Variants in PPP1R9A observed in about 807,000 individuals in gnomAD.
The protein encoded by PPP1R9A is neurabin-1.
Under a neutral mutation model 141.9 loss-of-function variants are expected in PPP1R9A, and 59 were observed. That is an observed-to-expected ratio of 0.42 (90% CI 0.34 to 0.52). PPP1R9A has a LOEUF of 0.52. Ranked by LOEUF, PPP1R9A falls within the 20% of genes least tolerant of loss-of-function variation. The probability of loss-of-function intolerance (pLI) is 0.10; values close to 1 mark genes in which losing one functional copy is unlikely to be tolerated. For missense variants in PPP1R9A, 1,444 were observed against 1,611.9 expected (o/e 0.90, Z 1.78); for synonymous variants, 500 against 569.7 (o/e 0.88, Z 1.74).
chr7:95,004,141 G>A (rs1249790078), intron 2 of PPP1R9A, among the ~76,000 whole-genome samples: 1 of 151,730 alleles, frequency 6.6e-6, no homozygotes, highest in Non-Finnish European at 1.5e-5. Context: ...TGCTTTTTTA[G>A]CATTTTAGGA....
chr7:95,115,465 G>A (rs1446257904), intron 3 of PPP1R9A, among the ~76,000 whole-genome samples: 1 of 152,040 alleles, frequency 6.6e-6, no homozygotes, highest in Non-Finnish European at 1.5e-5. Flanking sequence ...AACTATTTTA[G>A]ATCATAGATA....
chr7:95,125,347 C>A (rs1428389150), intron 4 of PPP1R9A, among the ~76,000 whole-genome samples: 3 of 152,028 alleles, frequency 2.0e-5, no homozygotes, highest in African/African-American at 4.8e-5. Context: ...GTGCTACCTT[C>A]CTTTTACAGA....
In PPP1R9A at chr7:95,295,377, A is replaced by T. The variant is rs984391051; in HGVS notation, c.*5074A>T. On this transcript the variant is annotated 3_prime_UTR_variant, in exon 20 of 20. Transcript: ENST00000433360. ...GTATTTTAGTAAGAAAATTTCCTCA[A>T]ATATTTGGCTAATGCTTTGATGTCA... is the stretch of plus-strand genomic sequence containing the variant. 1 of 152,620 alleles carries T rather than the reference A, an allele frequency of 6.6e-6. No individual in the cohort carries two copies. The highest frequency in any genetic ancestry group is 1.5e-5 in the Non-Finnish European group (1 of 68,038). The allele number at this position is 152,620 out of a possible 1,614,324, so 9.5% of individuals were successfully genotyped here.
intron 8 of PPP1R9A, among the ~76,000 whole-genome samples, chr7:95,236,825 A>G (rs1373801265): frequency 6.6e-6 from 1 of 151,654 alleles, no homozygotes; most frequent in Non-Finnish European, 1.5e-5. Flanking sequence ...TTTTTTCTGA[A>G]TATTGCTTTA....
intron 4 of PPP1R9A, among the ~76,000 whole-genome samples, chr7:95,125,077 T>A (rs1057469220): frequency 2.0e-5 from 3 of 152,236 alleles, no homozygotes; most frequent in African/African-American, 7.2e-5. Context: ...CTTTATCCTA[T>A]GATGCCTTAA....
chr7:95,166,965 C>T (rs755196170), intron 5 of PPP1R9A, among the ~76,000 whole-genome samples: 1 of 152,076 alleles, frequency 6.6e-6, no homozygotes, highest in African/African-American at 2.4e-5. Context: ...ATTCAGTATC[C>T]CTTCATGATG....
rs1003595720 is a variant in PPP1R9A, at chr7:95,061,820, A to C, written c.1396-49439A>C. Among the ~76,000 whole-genome samples, 5 of 152,246 alleles carry C rather than the reference A, an allele frequency of 3.3e-5. 1 individual carries two copies. The highest frequency in any genetic ancestry group is 3.3e-4 in the Admixed American group (5 of 15,286). On this transcript the variant is annotated intron_variant, in intron 2 of 19. Transcript: ENST00000433360. The stretch of plus-strand genomic sequence containing the variant: ...TAATGTTAGTCTTACCCAAGATACA[A>C]TAAAACTTTATTAACACACAGCAAT...
chr7:95,206,428 A>T (rs1052354008), intron 7 of PPP1R9A, among the ~76,000 whole-genome samples: 1 of 152,190 alleles, frequency 6.6e-6, no homozygotes, highest in Non-Finnish European at 1.5e-5. Context: ...ATATATTATC[A>T]TTACATAGCT....
chr7:94,966,711 G>A (rs184253476), intron 2 of PPP1R9A, among the ~76,000 whole-genome samples: 3 of 152,162 alleles, frequency 2.0e-5, no homozygotes, highest in African/African-American at 7.2e-5. Flanking sequence ...GCTGGATTTG[G>A]TTTGCCAGTG....
At chr7:95,065,749 A>G (rs1307763418) in intron 2 of PPP1R9A, among the ~76,000 whole-genome samples, 1 of 152,234 alleles carries the variant, frequency 6.6e-6, no homozygotes, top group Non-Finnish European at 1.5e-5. Context: ...TGTCACTCCC[A>G]TAGTGATATC....
chr7:94,925,345 A>T (rs1337162688), intron 2 of PPP1R9A, among the ~76,000 whole-genome samples: 2 of 152,188 alleles, frequency 1.3e-5, no homozygotes, highest in Non-Finnish European at 2.9e-5. Context: ...CATCTAGAAT[A>T]ATGTTTGATT....
At chr7:94,945,853 GA>G (rs898257940) in intron 2 of PPP1R9A, among the ~76,000 whole-genome samples, 5 of 152,014 alleles carry the variant, frequency 3.3e-5, no homozygotes, top group African/African-American at 1.2e-4. Flanking sequence ...TTTATTTTAT[GA>G]GTTTGAATAT....
At chr7:95,172,926 T>A (rs1832344961) in intron 5 of PPP1R9A, among the ~76,000 whole-genome samples, 1 of 151,842 alleles carries the variant, frequency 6.6e-6, no homozygotes, top group South Asian at 2.1e-4. Flanking sequence ...TGATTTTTTT[T>A]TATAAAGGTA....
chr7:95,216,655 G>C lies in PPP1R9A; in HGVS notation c.1957-9306G>C, dbSNP rs181690308. On this transcript the variant is annotated intron_variant, in intron 7 of 19. Transcript: ENST00000433360. ...CTTTTATTTCGTTGAGCAGTGGTTT[G>C]TAGTTCTCCTTGGGGAGGTCCTTCA... Among the ~76,000 whole-genome samples, 963 of 152,276 alleles carry C rather than the reference G, an allele frequency of 6.3e-3. 5 individuals are homozygous for C. Among genetic ancestry groups the C allele is most frequent in the Non-Finnish European group, 9.5e-3 (648 of 68,026 alleles).
chr7:95,215,487 A>G (rs1793158416), intron 7 of PPP1R9A, among the ~76,000 whole-genome samples: 1 of 152,176 alleles, frequency 6.6e-6, no homozygotes, highest in African/African-American at 2.4e-5. Context: ...GTATATACCC[A>G]GTAATGGGAT....
At chr7:95,235,434 A>G (rs150115172) in intron 8 of PPP1R9A, among the ~76,000 whole-genome samples, 9 of 152,300 alleles carry the variant, frequency 5.9e-5, no homozygotes. Flanking sequence ...CAACATCACT[A>G]ATTATCAGGG....
intron 4 of PPP1R9A, chr7:95,157,005 C>A (rs1829722481): frequency 6.6e-6 from 1 of 152,478 alleles, no homozygotes; most frequent in Non-Finnish European, 1.5e-5. Context: ...TGGGCAGATC[C>A]AGGAAAAACC....
intron 4 of PPP1R9A, among the ~76,000 whole-genome samples, chr7:95,138,170 G>A (rs1315974957): frequency 6.6e-6 from 1 of 152,040 alleles, no homozygotes; most frequent in South Asian, 2.1e-4. Flanking sequence ...CTGACCTCGT[G>A]ATCCGCCCGC....
chr7:95,101,094 C>T (rs905733520), intron 2 of PPP1R9A, among the ~76,000 whole-genome samples: 6 of 151,884 alleles, frequency 4.0e-5, no homozygotes, highest in Middle Eastern at 3.4e-3. Flanking sequence ...CCTCGTGATC[C>T]GCCCGCCTCG....
Sources: allele counts gnomAD v4.1 joint callset (sites outside exome capture counted in the v4.1 genomes callset), GRCh38; gene constraint gnomAD v4.1.1; transcripts MANE v1.5; gene names NCBI Gene and HGNC (gene_info 2026-07-23, HGNC 2026-07-21).